Variants in TM9SF3 observed in about 807,000 individuals in gnomAD.
The protein encoded by TM9SF3 is transmembrane 9 superfamily member 3, also known as SM-11044-binding protein.
Under a neutral mutation model 78.6 loss-of-function variants are expected in TM9SF3, and 14 were observed. The observed-to-expected ratio is 0.18, with a 90% CI of 0.12 to 0.28. The LOEUF (loss-of-function observed/expected upper bound fraction) is 0.28, where lower values mean the gene tolerates loss of function less well. Ranked by LOEUF, TM9SF3 falls within the 10% of genes least tolerant of loss-of-function variation. The probability of loss-of-function intolerance (pLI) is 1.00; values close to 1 mark genes in which losing one functional copy is unlikely to be tolerated. For synonymous variants in TM9SF3, 231 were observed against 241.7 expected (o/e 0.96, Z 0.41); for missense variants, 496 against 721.9 (o/e 0.69, Z 3.59).
In TM9SF3 at chr10:96,520,945, A is replaced by G. The variant is rs1480092971; in HGVS notation, c.*1318T>C. The G allele has an allele frequency of 1.0e-5, 4 of 397,134 alleles. No individual in the cohort carries two copies. Among genetic ancestry groups the G allele is most frequent in the Admixed American group, 4.4e-5 (1 of 22,658 alleles). 24.6% of individuals were successfully genotyped at this position (397,134 alleles called of 1,614,324 possible). ...GTAATTTTGCCTTCTGGACAGAAAG[A>G]TATCTTCAAATTGCAAACACATCTA... On this transcript the variant is annotated 3_prime_UTR_variant, in exon 15 of 15. Transcript: ENST00000371142.
At chr10:96,584,278 T>C (rs1191626922) in intron 1 of TM9SF3, among the ~76,000 whole-genome samples, 1 of 152,248 alleles carries the variant, frequency 6.6e-6, no homozygotes, top group African/African-American at 2.4e-5. Context: ...TAGCTACTTC[T>C]GCTTCTTTGA....
chr10:96,557,172 C>T (rs367912826), intron 5 of TM9SF3, among the ~76,000 whole-genome samples: 1 of 152,142 alleles, frequency 6.6e-6, no homozygotes, highest in Non-Finnish European at 1.5e-5. Context: ...GTATCTCTAG[C>T]CCAGACCTCT....
chr10:96,575,074 A>G (rs1848481859), intron 2 of TM9SF3, among the ~76,000 whole-genome samples: 2 of 152,134 alleles, frequency 1.3e-5, no homozygotes. Flanking sequence ...AAGTATTAAA[A>G]AAAAAAAAGA....
At chr10:96,571,936 T>C (rs374090486) in intron 2 of TM9SF3, among the ~76,000 whole-genome samples, 1 of 152,188 alleles carries the variant, frequency 6.6e-6, no homozygotes, top group African/African-American at 2.4e-5. Flanking sequence ...TCATCTAATG[T>C]CCATAATGAA....
intron 1 of TM9SF3, among the ~76,000 whole-genome samples, chr10:96,586,024 G>A (rs1848624298): frequency 2.0e-5 from 3 of 152,206 alleles, no homozygotes; most frequent in Admixed American, 2.0e-4. Context: ...GAAACGTCAA[G>A]ACCCTTTACT....
At chr10:96,557,019 C>T (rs961931777) in intron 5 of TM9SF3, among the ~76,000 whole-genome samples, 1 of 152,136 alleles carries the variant, frequency 6.6e-6, no homozygotes, top group African/African-American at 2.4e-5. Context: ...AACTGAACTC[C>T]CCTGTTCTTC....
chr10:96,580,679 A>C (rs1390678112), intron 1 of TM9SF3, among the ~76,000 whole-genome samples: 1 of 152,096 alleles, frequency 6.6e-6, no homozygotes, highest in Non-Finnish European at 1.5e-5. Flanking sequence ...TCAAATCCTC[A>C]AGTAAAGCCT....
intron 10 of TM9SF3, among the ~76,000 whole-genome samples, chr10:96,532,493 C>T (rs1349638213): frequency 2.0e-5 from 3 of 151,658 alleles, no homozygotes; most frequent in African/African-American, 7.3e-5. Context: ...TATATATCTC[C>T]GTTATCATAA....
chr10:96,532,139 A>G (rs1009240342), intron 10 of TM9SF3, among the ~76,000 whole-genome samples: 18 of 150,616 alleles, frequency 1.2e-4, no homozygotes, highest in Admixed American at 7.9e-4. Flanking sequence ...GAATCCAGGA[A>G]GTGGAGCTTG....
intron 1 of TM9SF3, among the ~76,000 whole-genome samples, chr10:96,581,256 T>C (rs1848565986): frequency 6.6e-6 from 1 of 151,960 alleles, no homozygotes; most frequent in African/African-American, 2.4e-5. Context: ...AATTAATTAT[T>C]ATCAGGAGAA....
In TM9SF3 at chr10:96,559,478, T is replaced by C. The variant is rs529165576; in HGVS notation, c.660+181A>G. Among the ~76,000 whole-genome samples, 3 of 152,330 alleles carry C rather than the reference T, an allele frequency of 2.0e-5. No individual in the cohort carries two copies. In the East Asian group the frequency reaches 5.8e-4, roughly 29 times the overall value. ...CCACAAGCACAAAGAAGGAAGTTTT[T>C]GATTGCTCCTCTAAAACTCCCCATC... On this transcript the variant is annotated intron_variant, in intron 5 of 14. Transcript: ENST00000371142.
chr10:96,524,282 T>A (rs1267905377), intron 14 of TM9SF3, among the ~76,000 whole-genome samples: 2 of 151,948 alleles, frequency 1.3e-5, no homozygotes, highest in Non-Finnish European at 2.9e-5. Flanking sequence ...TATTACATTT[T>A]AAAATATTGA....
At chr10:96,538,878 G>A (rs1407958256) in intron 9 of TM9SF3, among the ~76,000 whole-genome samples, 1 of 152,238 alleles carries the variant, frequency 6.6e-6, no homozygotes, top group Non-Finnish European at 1.5e-5. Flanking sequence ...AGTGCTGGCA[G>A]TGATGTGGAA....
At chr10:96,580,130 G>C (rs1428138646) in intron 1 of TM9SF3, among the ~76,000 whole-genome samples, 2 of 152,134 alleles carry the variant, frequency 1.3e-5, no homozygotes, top group African/African-American at 4.8e-5. Flanking sequence ...GTGAGAGGAG[G>C]CCAATTCAGG....
intron 9 of TM9SF3, among the ~76,000 whole-genome samples, chr10:96,536,271 T>A (rs1053212479): frequency 1.3e-5 from 2 of 152,248 alleles, no homozygotes; most frequent in African/African-American, 2.4e-5. Flanking sequence ...TGTCTGCTCT[T>A]GACACTTCTA....
chr10:96,541,061 G>A (rs902783744), intron 9 of TM9SF3, among the ~76,000 whole-genome samples: 1 of 151,836 alleles, frequency 6.6e-6, no homozygotes, highest in Non-Finnish European at 1.5e-5. Context: ...ACTGCGCCCG[G>A]CCAGTTTTAC....
chr10:96,561,895 T>A, intron 4 of TM9SF3, 83 bp downstream of exon 4: 1 of 1,148,408 alleles, frequency 8.7e-7, no homozygotes, highest in South Asian at 1.5e-5. Flanking sequence ...AGCTACATTT[T>A]CATTTACTAA....
rs571887794 is a variant in TM9SF3, at chr10:96,553,150, GAA to G, written c.661-93_661-92del. The G allele has an allele frequency of 1.3e-3, 1,494 of 1,110,556 alleles. 14 individuals are homozygous for G. In the African/African-American group the frequency reaches 0.022, roughly 16 times the overall value. 68.8% of individuals were successfully genotyped at this position (1,110,556 alleles called of 1,614,324 possible). ...GAGGACAACCGGATGTTAATGCAAAGAAAAAAAAAAGTCTTTAATTAAATCCT... is the reference window on the plus strand; with the variant it reads ...GAGGACAACCGGATGTTAATGCAAAGAAAAAAAAGTCTTTAATTAAATCCT... On this transcript the variant is annotated intron_variant, in intron 5 of 14. Coordinates refer to ENST00000371142, the MANE Select transcript of TM9SF3 (RefSeq NM_020123.4).
intron 1 of TM9SF3, among the ~76,000 whole-genome samples, chr10:96,579,121 T>C (rs998521125): frequency 6.6e-6 from 1 of 152,152 alleles, no homozygotes; most frequent in Non-Finnish European, 1.5e-5. Context: ...ATTTAATAAA[T>C]ATGATGGGAA....
Sources: gnomAD v4.1 joint callset for allele counts (sites outside exome capture counted in the v4.1 genomes callset) on GRCh38, gnomAD v4.1.1 for gene constraint, MANE v1.5 for transcripts, NCBI Gene and HGNC (gene_info 2026-07-23, HGNC 2026-07-21) for gene names.